Variants in SEMA5B observed in about 807,000 individuals in gnomAD.
SEMA5B encodes semaphorin 5B.
In SEMA5B, 66 loss-of-function variants were observed where a neutral mutation model predicts 135.0. The observed-to-expected ratio is 0.49, with a 90% CI of 0.40 to 0.60. SEMA5B has a LOEUF of 0.60. Among genes scored for constraint, SEMA5B ranks in the 20% least tolerant of loss-of-function variants. The pLI, the probability that SEMA5B is intolerant of heterozygous loss-of-function variation, is 0.00. For synonymous variants in SEMA5B, 690 were observed against 639.5 expected, an observed-to-expected ratio of 1.08 and a Z score of -1.19; for missense variants, 1,501 against 1,566.3, an observed-to-expected ratio of 0.96 and a Z score of 0.70.
At chr3:122,930,058 C>T (rs1938887706) in intron 5 of SEMA5B, among the ~76,000 whole-genome samples, 1 of 152,186 alleles carries the variant, frequency 6.6e-6, no homozygotes, top group Admixed American at 6.5e-5. Flanking sequence ...GAGAAAGCAG[C>T]TCTGTCTTCC....
At chr3:123,007,627 G>C (rs1406640032) in intron 1 of SEMA5B, among the ~76,000 whole-genome samples, 2 of 152,116 alleles carry the variant, frequency 1.3e-5, no homozygotes, top group Non-Finnish European at 1.5e-5. Context: ...TTCCAGAAGA[G>C]GAAAAGACTT....
intron 1 of SEMA5B, among the ~76,000 whole-genome samples, chr3:122,965,252 C>G (rs146261304): frequency 0.012 from 1,781 of 152,312 alleles, 19 homozygotes; most frequent in Non-Finnish European, 0.018. Flanking sequence ...CCCTGAAATT[C>G]ATTCCCCCAT....
At chr3:123,028,093 T>G (rs1378906572), upstream of SEMA5B, among the ~76,000 whole-genome samples, 5 of 152,120 alleles carry the variant, frequency 3.3e-5, no homozygotes, top group Non-Finnish European at 7.4e-5. Context: ...CTTGCCGTTC[T>G]CGGTCACCCC....
chr3:122,934,538 G>A (rs79572837), intron 5 of SEMA5B, among the ~76,000 whole-genome samples: 7,680 of 151,980 alleles, frequency 0.051, 245 homozygotes, highest in Middle Eastern at 0.11. Flanking sequence ...ATAAAAAATT[G>A]CACAATAAAA....
At chr3:123,025,627 G>A (rs1942780216) in intron 1 of SEMA5B, among the ~76,000 whole-genome samples, 1 of 152,138 alleles carries the variant, frequency 6.6e-6, no homozygotes, top group Admixed American at 6.5e-5. Flanking sequence ...CCAAACTGGT[G>A]GTGATAGGTG....
intron 18 of SEMA5B, 118 bp downstream of exon 18, chr3:122,912,725 T>C: frequency 9.9e-7 from 1 of 1,010,186 alleles, no homozygotes; most frequent in South Asian, 1.6e-5. Flanking sequence ...AGCACAGAGT[T>C]GGCAGGGAGA....
Position 122,923,079 on chromosome 3 carries a change from C to A in SEMA5B, c.1272+538G>T, listed in dbSNP as rs191146108. Among the ~76,000 whole-genome samples the A allele has an allele frequency of 2.2e-4, 33 of 152,270 alleles. 1 individual carries two copies. The highest frequency in any genetic ancestry group is 1.6e-3 in the Admixed American group (24 of 15,312). Reference sequence around the variant, plus strand: ...GGTCTTTCCCAGCTCCATCCCACCCCCTGGGTGGGAAGCTGGGCGAACACG... The same window carrying A: ...GGTCTTTCCCAGCTCCATCCCACCCACTGGGTGGGAAGCTGGGCGAACACG... On this transcript the variant is annotated intron_variant, in intron 10 of 22. Coordinates refer to ENST00000357599, the MANE Select transcript of SEMA5B (RefSeq NM_001031702.4).
chr3:122,952,188 C>T (rs1560352476), intron 2 of SEMA5B, among the ~76,000 whole-genome samples: 1 of 152,312 alleles, frequency 6.6e-6, no homozygotes, highest in East Asian at 1.9e-4. Flanking sequence ...TTGATCCAAA[C>T]CTACTCCCTT....
chr3:122,935,251 G>T (rs935795320), intron 5 of SEMA5B, among the ~76,000 whole-genome samples: 22 of 152,100 alleles, frequency 1.4e-4, no homozygotes, highest in African/African-American at 4.6e-4. Context: ...CTAAAAGTCT[G>T]GTCTCTGTAG....
At chr3:122,965,193 G>T (rs1940765892) in intron 1 of SEMA5B, among the ~76,000 whole-genome samples, 1 of 152,210 alleles carries the variant, frequency 6.6e-6, no homozygotes, top group South Asian at 2.1e-4. Flanking sequence ...CAGTGCCTCG[G>T]ATTATACAAG....
chr3:123,005,785 C>T (rs1942295606), intron 1 of SEMA5B, among the ~76,000 whole-genome samples: 1 of 152,194 alleles, frequency 6.6e-6, no homozygotes, highest in African/African-American at 2.4e-5. Flanking sequence ...CCCTGAAACA[C>T]TCCAGTTTCA....
At chr3:122,970,406 C>A (rs116834047) in intron 1 of SEMA5B, among the ~76,000 whole-genome samples, 1,901 of 152,324 alleles carry the variant, frequency 0.012, 39 homozygotes, top group African/African-American at 0.044. Flanking sequence ...CAGAGTTTCT[C>A]ATTCAGTCAA....
chr3:122,944,648 G>T (rs1939704644), intron 3 of SEMA5B, among the ~76,000 whole-genome samples: 2 of 152,220 alleles, frequency 1.3e-5, no homozygotes, highest in South Asian at 4.1e-4. Context: ...CCCAATCAAG[G>T]CCTTTCAAAG....
intron 6 of SEMA5B, 87 bp downstream of exon 6, chr3:122,928,909 T>G: frequency 1.5e-6 from 2 of 1,353,638 alleles, no homozygotes; most frequent in Admixed American, 1.8e-5. Flanking sequence ...GCAGGGGACC[T>G]CAGTCCACAC....
At position 122,961,213 on chromosome 3, in the gene SEMA5B, C is replaced by A. The variant is rs764299028; in HGVS notation, c.51G>T (p.Gly17=). The change falls in exon 2 of 23, where the codon GGG becomes GGT. Residue 17 remains glycine, a synonymous_variant. Transcript: ENST00000357599. ...GCTGTTGGGCTGGGGTATCAGGCGG[C>A]CCAGGGACGAGGTGGTGGGCAACAG... ...PSPVAHHLVP[G]PPDTPAQQLR... 1.9e-6 allele frequency: 3 copies of A among 1,613,804 alleles called. No homozygotes were observed. Among genetic ancestry groups the A allele is most frequent in the Admixed American group, 1.7e-5 (1 of 59,978 alleles).
In SEMA5B at chr3:122,912,883, A is replaced by T. The variant is rs1937813210; in HGVS notation, c.2685T>A (p.Asp895Glu). Reference sequence around the variant, plus strand: ...GGTTGCAGTCCTGGTACTCGGCAGCATCGCCCACGCAGGGCAGGCCCCCGT... The same window carrying T: ...GGTTGCAGTCCTGGTACTCGGCAGCTTCGCCCACGCAGGGCAGGCCCCCGT... ...PRNGGLPCVG[D>E]AAEYQDCNPQ... is the part of the protein sequence containing the mutation. The change falls in exon 18 of 23, where the codon GAT becomes GAA. Residue 895 changes from aspartate (D) to glutamate (E), a missense_variant. Asp to Glu is a conservative substitution (Grantham distance 45). This residue lies in a region of SEMA5B where 927 missense variants were observed against 881.6 expected (regional missense o/e 1.05). Transcript: ENST00000357599. 5.6e-6 allele frequency: 9 copies of T among 1,607,420 alleles called. No homozygotes were observed. The highest frequency in any genetic ancestry group is 6.8e-6 in the Non-Finnish European group (8 of 1,176,670).
intron 1 of SEMA5B, among the ~76,000 whole-genome samples, chr3:122,996,408 C>G (rs922553437): frequency 7.9e-5 from 12 of 152,352 alleles, no homozygotes; most frequent in Admixed American, 3.9e-4. Flanking sequence ...CGCAGGCTCC[C>G]TCTCTCCCCA....
intron 1 of SEMA5B, among the ~76,000 whole-genome samples, chr3:123,020,513 A>G (rs983233637): frequency 2.0e-5 from 3 of 152,262 alleles, no homozygotes; most frequent in African/African-American, 7.2e-5. Flanking sequence ...CACAAACAGT[A>G]GCTATGATCT....
chr3:122,978,646 T>A (rs1266785673), intron 1 of SEMA5B, among the ~76,000 whole-genome samples: 1 of 151,902 alleles, frequency 6.6e-6, no homozygotes, highest in Non-Finnish European at 1.5e-5. Context: ...CATTTCAGTG[T>A]GATAGAAGGC....
Sources: allele counts gnomAD v4.1 joint callset (sites outside exome capture counted in the v4.1 genomes callset), GRCh38; gene constraint gnomAD v4.1.1; regional missense constraint gnomAD v4.1.1; transcripts MANE v1.5; gene names NCBI Gene and HGNC (gene_info 2026-07-23, HGNC 2026-07-21).